STRN3: variants seen among roughly 807,000 people sequenced by gnomAD.
The protein encoded by STRN3 is striatin-3.
A neutral mutation model predicts 95.6 loss-of-function variants in STRN3; 29 were observed. The observed-to-expected ratio is 0.30, with a 90% confidence interval of 0.23 to 0.41. The LOEUF (loss-of-function observed/expected upper bound fraction) is 0.41. Among genes scored for constraint, STRN3 ranks in the 10% least tolerant of loss-of-function variants. The probability of loss-of-function intolerance (pLI) is 1.00; values close to 1 mark genes in which losing one functional copy is unlikely to be tolerated. For synonymous variants in STRN3, 331 were observed against 357.6 expected, an observed-to-expected ratio of 0.93 and a Z score of 0.84; for missense variants, 890 against 972.1, an observed-to-expected ratio of 0.92 and a Z score of 1.12.
intron 13 of STRN3, among the ~76,000 whole-genome samples, chr14:30,908,464 G>A (rs1896524948): frequency 6.6e-6 from 1 of 152,120 alleles, no homozygotes. Context: ...CATATAGTCT[G>A]ACATGAAAGA....
At chr14:31,011,433 G>A (rs1027989853) in intron 1 of STRN3, among the ~76,000 whole-genome samples, 1 of 152,308 alleles carries the variant, frequency 6.6e-6, no homozygotes, top group Non-Finnish European at 1.5e-5. Flanking sequence ...CTGAAGGACA[G>A]GAGTTCGAGA....
intron 1 of STRN3, among the ~76,000 whole-genome samples, chr14:31,021,025 T>C (rs916125638): frequency 2.6e-5 from 4 of 152,134 alleles, no homozygotes; most frequent in African/African-American, 9.7e-5. Context: ...CAAATAATCA[T>C]GCTGGAATCA....
intron 1 of STRN3, among the ~76,000 whole-genome samples, chr14:30,959,542 T>C (rs939688272): frequency 1.3e-5 from 2 of 152,144 alleles, no homozygotes; most frequent in African/African-American, 4.8e-5. Context: ...AAATAATAAA[T>C]TTAGCACTCA....
chr14:30,955,585 A>T (rs767456829), intron 3 of STRN3, 35 bp downstream of exon 3: 24 of 280,364 alleles, frequency 8.6e-5, no homozygotes, highest in South Asian at 8.5e-4. Context: ...AAAATGAATT[A>T]AAAAAAAAAA....
chr14:30,934,083 T>C (rs1196324040), intron 7 of STRN3, among the ~76,000 whole-genome samples: 1 of 152,154 alleles, frequency 6.6e-6, no homozygotes, highest in Admixed American at 6.5e-5. Context: ...CCCAGTACTT[T>C]GGGAGGCCAA....
chr14:30,895,406 T>C lies in STRN3; in HGVS notation c.*5A>G, dbSNP rs376127859. On this transcript the variant is annotated 3_prime_UTR_variant, in exon 18 of 18. Coordinates refer to ENST00000357479, the MANE Select transcript of STRN3 (RefSeq NM_001083893.2). Reference sequence around the variant, plus strand: ...AATCTTGTTACGATGCAAGTTTTTGTTGATTCATACAAATACTTTGGCAAG... The same window carrying C: ...AATCTTGTTACGATGCAAGTTTTTGCTGATTCATACAAATACTTTGGCAAG... 5.7e-6 allele frequency: 9 copies of C among 1,590,408 alleles called. No individual in the cohort carries two copies. The highest frequency in any genetic ancestry group is 2.2e-5 in the East Asian group (1 of 44,478).
At chr14:30,980,574 A>G (rs1240038361) in intron 1 of STRN3, among the ~76,000 whole-genome samples, 8 of 151,756 alleles carry the variant, frequency 5.3e-5, no homozygotes, top group African/African-American at 1.9e-4. Flanking sequence ...CGCCCAGCTA[A>G]TCTTTGTATT....
intron 1 of STRN3, among the ~76,000 whole-genome samples, chr14:31,020,638 C>T (rs1234894690): frequency 6.6e-6 from 1 of 152,076 alleles, no homozygotes; most frequent in Non-Finnish European, 1.5e-5. Context: ...CATGATGGCT[C>T]ATGCCTGTAA....
In STRN3 at chr14:30,911,168, G is replaced by A; in HGVS notation, c.1599-6C>T. 1 of 1,606,308 alleles carries A rather than the reference G, an allele frequency of 6.2e-7. No individual in the cohort carries two copies. Among genetic ancestry groups the A allele is most frequent in the Non-Finnish European group, 8.5e-7 (1 of 1,177,944 alleles). On this transcript the variant is annotated splice_polypyrimidine_tract_variant and splice_region_variant and intron_variant, in intron 12 of 17. Coordinates refer to ENST00000357479, the MANE Select transcript of STRN3 (RefSeq NM_001083893.2). Reference sequence around the variant, plus strand: ...CTAATGACAGAACAGGGCCGCTATTGTAGGAAGAGAGGAAAAACAAATTAC... The same window carrying A: ...CTAATGACAGAACAGGGCCGCTATTATAGGAAGAGAGGAAAAACAAATTAC...
chr14:30,897,172 C>T (rs1400934764), intron 16 of STRN3, among the ~76,000 whole-genome samples: 1 of 152,154 alleles, frequency 6.6e-6, no homozygotes, highest in Non-Finnish European at 1.5e-5. Context: ...TGATACTCTA[C>T]ACTAGGATAT....
intron 7 of STRN3, among the ~76,000 whole-genome samples, chr14:30,929,752 C>A (rs994093102): frequency 6.6e-6 from 1 of 151,748 alleles, no homozygotes; most frequent in African/African-American, 2.4e-5. Context: ...AATATTCATG[C>A]ACCTTCTGTC....
intron 1 of STRN3, among the ~76,000 whole-genome samples, chr14:30,983,540 G>A (rs556951450): frequency 1.7e-4 from 26 of 152,302 alleles, no homozygotes; most frequent in African/African-American, 5.8e-4. Flanking sequence ...GCGAGACTCC[G>A]TCTCAAAAAT....
At chr14:30,906,477 G>A (rs1040201740) in intron 14 of STRN3, among the ~76,000 whole-genome samples, 1 of 152,058 alleles carries the variant, frequency 6.6e-6, no homozygotes, top group Admixed American at 6.5e-5. Flanking sequence ...CAGTGACTAT[G>A]GCTGGACTAC....
In STRN3 at chr14:30,955,703, T is replaced by C. The variant is rs1879867731; in HGVS notation, c.387-10A>G. The C allele has an allele frequency of 6.4e-7, 1 of 1,574,136 alleles. No homozygotes were observed. Among genetic ancestry groups the C allele is most frequent in the East Asian group, 2.3e-5 (1 of 43,264 alleles). On this transcript the variant is annotated splice_polypyrimidine_tract_variant and intron_variant, in intron 2 of 17. Transcript: ENST00000357479. ...TTTGTGATATTTTGCCCTGAAAATTTAATCACAAATTAGTAAAATCACAAC... is the reference window on the plus strand; with the variant it reads ...TTTGTGATATTTTGCCCTGAAAATTCAATCACAAATTAGTAAAATCACAAC...
intron 2 of STRN3, 34 bp from the exon 3 acceptor site, chr14:30,955,727 ACTT>A (rs766469430): frequency 3.6e-5 from 55 of 1,522,558 alleles, no homozygotes; most frequent in African/African-American, 8.5e-5. Flanking sequence ...TAAAATCACA[ACTT>A]CTTCTTTTTG....
chr14:30,929,968 A>AAAAAAAAAAAAAAAAAAAAAAAAC (rs1878438058), intron 7 of STRN3, among the ~76,000 whole-genome samples: 1 of 121,838 alleles, frequency 8.2e-6, no homozygotes, highest in Admixed American at 8.7e-5. Context: ...AAAAAAAAAA[A>AAAAAAAAAAAAAAAAAAAAAAAAC]AAAAAAAAAA....
At chr14:30,895,811 A>G in intron 16 of STRN3, 63 bp from the exon 17 acceptor site, 37 of 1,370,358 alleles carry the variant, frequency 2.7e-5, no homozygotes, top group Non-Finnish European at 3.7e-5. Flanking sequence ...GACAACAGAA[A>G]CTACAATATA....
intron 1 of STRN3, chr14:31,018,736 G>T: frequency 2.1e-6 from 1 of 468,576 alleles, no homozygotes. Context: ...CGAAGATGAG[G>T]GCCATGGTGC....
intron 1 of STRN3, among the ~76,000 whole-genome samples, chr14:31,018,083 TA>T (rs11438099): frequency 4.6e-3 from 592 of 128,440 alleles, no homozygotes; most frequent in Middle Eastern, 7.8e-3. Flanking sequence ...TGCCTCAATT[TA>T]AAAAAAAAAA....
Sources: allele counts gnomAD v4.1 joint callset (sites outside exome capture counted in the v4.1 genomes callset), GRCh38; gene constraint gnomAD v4.1.1; transcripts MANE v1.5; gene names NCBI Gene and HGNC (gene_info 2026-07-23, HGNC 2026-07-21).